CD86: variants seen among roughly 807,000 people sequenced by gnomAD.
CD86 encodes the protein CD86 molecule, also known as T-lymphocyte activation antigen CD86.
In CD86, 11 loss-of-function variants were observed where a neutral mutation model predicts 32.1. The ratio of observed to expected loss-of-function variants is 0.34; its 90% CI spans 0.22 to 0.57. CD86 has a LOEUF of 0.57. Ranked by LOEUF, CD86 falls within the 20% of genes least tolerant of loss-of-function variation. CD86 has a pLI of 0.86. For synonymous variants in CD86, 137 were observed against 135.3 expected, an observed-to-expected ratio of 1.01 and a Z score of -0.09; for missense variants, 359 against 398.4, an observed-to-expected ratio of 0.90 and a Z score of 0.84.
At chr3:122,096,006 G>A (rs2072901837) in intron 2 of CD86, among the ~76,000 whole-genome samples, 1 of 152,152 alleles carries the variant, frequency 6.6e-6, no homozygotes, top group Non-Finnish European at 1.5e-5. Flanking sequence ...TTTTTCCTTT[G>A]TGAGAGGGGA....
intron 2 of CD86, among the ~76,000 whole-genome samples, chr3:122,099,518 G>A (rs2072962887): frequency 6.6e-6 from 1 of 152,224 alleles, no homozygotes; most frequent in African/African-American, 2.4e-5. Flanking sequence ...GATTTGGAAT[G>A]TCACCAGTCC....
At chr3:122,066,785 T>C (rs1328993478) in intron 1 of CD86, among the ~76,000 whole-genome samples, 1 of 152,076 alleles carries the variant, frequency 6.6e-6, no homozygotes, top group Non-Finnish European at 1.5e-5. Context: ...ATGAAACACG[T>C]TCCCCAAACT....
chr3:122,112,295 AT>A, intron 5 of CD86, among the ~76,000 whole-genome samples: 1 of 152,166 alleles, frequency 6.6e-6, no homozygotes, highest in East Asian at 1.9e-4. Flanking sequence ...TTCAAAAGAA[AT>A]TATTATTATT....
At chr3:122,062,938 T>C (rs899775486) in intron 1 of CD86, among the ~76,000 whole-genome samples, 2 of 152,160 alleles carry the variant, frequency 1.3e-5, no homozygotes, top group South Asian at 4.1e-4. Context: ...GATGGACTCT[T>C]ACCTATAACC....
In CD86 at chr3:122,119,553, A is replaced by G. The variant is rs756014972; in HGVS notation, c.*19A>G. On this transcript the variant is annotated 3_prime_UTR_variant, in exon 7 of 7. Coordinates refer to ENST00000330540, the MANE Select transcript of CD86 (RefSeq NM_175862.5). ...TTTTTAATTAAAGAGTAAAGCCCAT[A>G]CAAGTATTCATTTTTTCTACCCTTT... is the stretch of plus-strand genomic sequence containing the variant. The G allele has an allele frequency of 4.9e-6, 7 of 1,437,838 alleles. No homozygotes were observed. In the Admixed American group the frequency reaches 7.1e-5, roughly 14 times the overall value. The allele number at this position is 1,437,838 out of a possible 1,614,324, so 89.1% of individuals were successfully genotyped here.
intron 4 of CD86, among the ~76,000 whole-genome samples, chr3:122,107,752 G>A (rs1576784684): frequency 6.6e-6 from 1 of 152,114 alleles, no homozygotes; most frequent in Non-Finnish European, 1.5e-5. Context: ...CTTTCTCCCA[G>A]TGTCTTGTTG....
chr3:122,073,882 CAACTT>C (rs1275776661), intron 1 of CD86, among the ~76,000 whole-genome samples: 1 of 152,184 alleles, frequency 6.6e-6, no homozygotes, highest in African/African-American at 2.4e-5. Context: ...TCCTTTAACT[CAACTT>C]AATCCCACTG....
chr3:122,091,572 A>T, intron 1 of CD86, 29 bp from the exon 2 acceptor site: 1 of 1,456,844 alleles, frequency 6.9e-7, no homozygotes, highest in Non-Finnish European at 9.1e-7. Context: ...TTTCTAATCA[A>T]GTTTTACCTT....
chr3:122,056,437 C>T (rs1278763921), intron 1 of CD86, among the ~76,000 whole-genome samples: 1 of 152,200 alleles, frequency 6.6e-6, no homozygotes, highest in Non-Finnish European at 1.5e-5. Context: ...CGGATTCAAA[C>T]GATTCTCCTT....
chr3:122,109,193 G>C, intron 4 of CD86, 72 bp from the exon 5 acceptor site: 1 of 1,497,154 alleles, frequency 6.7e-7, no homozygotes, highest in Non-Finnish European at 9.1e-7. Flanking sequence ...GGTAAATAAA[G>C]AGAAGAGCAG....
At chr3:122,095,954 A>T (rs553758145) in intron 2 of CD86, among the ~76,000 whole-genome samples, 58 of 152,068 alleles carry the variant, frequency 3.8e-4, no homozygotes, top group South Asian at 8.3e-4. Context: ...GCAAGCAGAC[A>T]TTTTTTTTGG....
intron 1 of CD86, among the ~76,000 whole-genome samples, chr3:122,067,488 T>C (rs1179462154): frequency 6.6e-6 from 1 of 152,226 alleles, no homozygotes; most frequent in Non-Finnish European, 1.5e-5. Flanking sequence ...CTTACCACAG[T>C]CATCCCAAGA....
chr3:122,060,660 C>G (rs937915865), intron 1 of CD86, among the ~76,000 whole-genome samples: 2 of 152,002 alleles, frequency 1.3e-5, no homozygotes, highest in African/African-American at 4.8e-5. Context: ...AAAAGGCTAA[C>G]CAAAAATAAA....
intron 3 of CD86, 64 bp from the exon 4 acceptor site, chr3:122,106,134 G>C (rs2073087725): frequency 5.5e-6 from 7 of 1,265,650 alleles, no homozygotes; most frequent in Non-Finnish European, 7.5e-6. Flanking sequence ...CCAGTTATTT[G>C]CTATTCCCTC....
At chr3:122,056,688 C>T (rs1269359371) in intron 1 of CD86, among the ~76,000 whole-genome samples, 1 of 152,158 alleles carries the variant, frequency 6.6e-6, no homozygotes, top group Non-Finnish European at 1.5e-5. Context: ...CTTTCATCTA[C>T]CCAGTGCTTA....
At chr3:122,058,870 A>G (rs757097125) in intron 1 of CD86, among the ~76,000 whole-genome samples, 3 of 152,166 alleles carry the variant, frequency 2.0e-5, no homozygotes, top group African/African-American at 4.8e-5. Flanking sequence ...AAACCAGGGC[A>G]GTTATGGTGG....
chr3:122,073,831 C>A (rs1007353248), intron 1 of CD86, among the ~76,000 whole-genome samples: 7 of 152,214 alleles, frequency 4.6e-5, no homozygotes, highest in African/African-American at 1.7e-4. Flanking sequence ...GAATTTCTGT[C>A]CATGAATCCA....
chr3:122,081,124 A>G (rs2072628024), intron 1 of CD86, among the ~76,000 whole-genome samples: 1 of 152,178 alleles, frequency 6.6e-6, no homozygotes, highest in Non-Finnish European at 1.5e-5. Flanking sequence ...TCCTTATTTG[A>G]CTTTCCATGC....
chr3:122,095,059 C>T (rs1045476878), intron 2 of CD86, among the ~76,000 whole-genome samples: 15 of 152,048 alleles, frequency 9.9e-5, no homozygotes, highest in Admixed American at 3.9e-4. Context: ...TAGCTGCTCT[C>T]TTTTTGTCTG....
Sources: gnomAD v4.1 joint callset for allele counts (sites outside exome capture counted in the v4.1 genomes callset) on GRCh38, gnomAD v4.1.1 for gene constraint, MANE v1.5 for transcripts, NCBI Gene and HGNC (gene_info 2026-07-23, HGNC 2026-07-21) for gene names.